RABGAP1L: variants seen among roughly 807,000 people sequenced by gnomAD.
The protein encoded by RABGAP1L is RAB GTPase activating protein 1 like, also known as rab GTPase-activating protein 1-like.
Under a neutral mutation model 137.7 loss-of-function variants are expected in RABGAP1L, and 63 were observed. That is an observed-to-expected ratio of 0.46 (90% confidence interval 0.37 to 0.56). The LOEUF (loss-of-function observed/expected upper bound fraction) is 0.56. RABGAP1L is among the 20% of genes least tolerant of loss of function. The pLI, the probability that RABGAP1L is intolerant of heterozygous loss-of-function variation, is 0.00. For synonymous variants in RABGAP1L, 431 were observed against 433.7 expected (o/e 0.99, Z 0.08); for missense variants, 1,095 against 1,244.0 (o/e 0.88, Z 1.80).
At chr1:174,799,978 A>T (rs185046317) in intron 18 of RABGAP1L, 11,161 of 974,638 alleles carry the variant, frequency 0.011, 255 homozygotes, top group African/African-American at 0.094. Context: ...ACACACACAC[A>T]CTCTCACACA....
chr1:174,316,222 C>T (rs1417275367), intron 11 of RABGAP1L, among the ~76,000 whole-genome samples: 1 of 152,130 alleles, frequency 6.6e-6, no homozygotes, highest in Non-Finnish European at 1.5e-5. Flanking sequence ...ATCTCTGTTT[C>T]TTCAGGAATG....
chr1:174,725,285 A>G (rs1681889607), intron 17 of RABGAP1L, among the ~76,000 whole-genome samples: 1 of 152,154 alleles, frequency 6.6e-6, no homozygotes, highest in Non-Finnish European at 1.5e-5. Context: ...TTTAAATTAA[A>G]CTCTTAAGAA....
At chr1:174,288,991 A>G (rs1350710610) in intron 10 of RABGAP1L, among the ~76,000 whole-genome samples, 1 of 151,990 alleles carries the variant, frequency 6.6e-6, no homozygotes, top group Non-Finnish European at 1.5e-5. Context: ...CTGCTGTTGA[A>G]GCATGCTATT....
intron 18 of RABGAP1L, among the ~76,000 whole-genome samples, chr1:174,773,360 TAAA>T (rs933921451): frequency 6.6e-6 from 1 of 152,146 alleles, no homozygotes; most frequent in Non-Finnish European, 1.5e-5. Flanking sequence ...ACCCGTTATC[TAAA>T]AAGTAATAAA....
intron 1 of RABGAP1L, among the ~76,000 whole-genome samples, chr1:174,213,825 A>T (rs539727600): frequency 2.0e-5 from 3 of 152,334 alleles, no homozygotes. Flanking sequence ...GAACTGGGTA[A>T]GGAAGAAATA....
intron 13 of RABGAP1L, among the ~76,000 whole-genome samples, chr1:174,489,851 GT>G (rs748126037): frequency 1.3e-5 from 2 of 151,928 alleles, no homozygotes; most frequent in African/African-American, 2.4e-5. Context: ...TATACAAATA[GT>G]TTATCTTAAA....
intron 14 of RABGAP1L, among the ~76,000 whole-genome samples, chr1:174,664,729 G>GTTTTTTT (rs1557964009): frequency 2.3e-5 from 2 of 85,596 alleles, no homozygotes; most frequent in Admixed American, 2.4e-4. Flanking sequence ...CTTTCTTTCT[G>GTTTTTTT]CTTTCTTTTT....
chr1:174,244,872 G>A (rs1672124246), intron 5 of RABGAP1L: 1 of 152,128 alleles, frequency 6.6e-6, no homozygotes, highest in Admixed American at 6.6e-5. Flanking sequence ...ATATTTGTGT[G>A]TTTTAGGATA....
intron 18 of RABGAP1L, among the ~76,000 whole-genome samples, chr1:174,793,133 CA>C (rs1386209016): frequency 6.8e-6 from 1 of 146,070 alleles, no homozygotes; most frequent in Non-Finnish European, 1.5e-5. Context: ...ACTCCATCTC[CA>C]AAAAAAAAGA....
At chr1:174,942,734 A>T (rs957050404) in intron 19 of RABGAP1L, among the ~76,000 whole-genome samples, 4 of 152,312 alleles carry the variant, frequency 2.6e-5, no homozygotes, top group Non-Finnish European at 5.9e-5. Context: ...GATATGGTTA[A>T]ATCATAGCTC....
intron 19 of RABGAP1L, among the ~76,000 whole-genome samples, chr1:174,914,229 C>G (rs927368018): frequency 2.0e-5 from 3 of 152,206 alleles, no homozygotes; most frequent in African/African-American, 7.2e-5. Context: ...TCTGCCTCCT[C>G]TCAAGCTGCT....
intron 19 of RABGAP1L, among the ~76,000 whole-genome samples, chr1:174,825,907 C>CA (rs1691519726): frequency 6.6e-6 from 1 of 152,006 alleles, no homozygotes; most frequent in South Asian, 2.1e-4. Flanking sequence ...AACAAACAAA[C>CA]AAAAAAAGAA....
At chr1:174,578,283 C>G (rs1668512865) in intron 13 of RABGAP1L, among the ~76,000 whole-genome samples, 1 of 152,180 alleles carries the variant, frequency 6.6e-6, no homozygotes, top group African/African-American at 2.4e-5. Context: ...CTCCCAGGCT[C>G]AAGCAGTCCT....
intron 11 of RABGAP1L, among the ~76,000 whole-genome samples, chr1:174,359,677 T>A (rs1057330703): frequency 1.4e-4 from 21 of 152,138 alleles, no homozygotes; most frequent in African/African-American, 4.8e-4. Context: ...TGGGAAAAAT[T>A]ATGAGGGAAG....
At chr1:174,758,474 A>G (rs965403021) in intron 18 of RABGAP1L, among the ~76,000 whole-genome samples, 6 of 151,642 alleles carry the variant, frequency 4.0e-5, no homozygotes, top group African/African-American at 1.5e-4. Flanking sequence ...TGAGTCTCCA[A>G]TGTCCATTTT....
chr1:174,330,610 C>T (rs1433478980), intron 11 of RABGAP1L, among the ~76,000 whole-genome samples: 1 of 150,028 alleles, frequency 6.7e-6, no homozygotes, highest in African/African-American at 2.5e-5. Context: ...ACAAACAAAA[C>T]ACCTACCTAG....
intron 19 of RABGAP1L, among the ~76,000 whole-genome samples, chr1:174,946,794 G>A (rs1329497390): frequency 2.0e-5 from 3 of 149,960 alleles, no homozygotes; most frequent in East Asian, 2.0e-4. Flanking sequence ...CCAGTTACTC[G>A]GGAGGCTGAG....
intron 19 of RABGAP1L, among the ~76,000 whole-genome samples, chr1:174,873,326 C>G (rs1368158369): frequency 6.6e-6 from 1 of 152,012 alleles, no homozygotes; most frequent in Admixed American, 6.6e-5. Context: ...GCCTCGGCCT[C>G]CAAAAGTGCT....
At chr1:174,510,238 G>T (rs776909505) in intron 13 of RABGAP1L, among the ~76,000 whole-genome samples, 2 of 152,020 alleles carry the variant, frequency 1.3e-5, no homozygotes, top group African/African-American at 2.4e-5. Context: ...CCTCAGATAC[G>T]TTATGTTATT....
Sources: gnomAD v4.1 joint callset for allele counts (sites outside exome capture counted in the v4.1 genomes callset) on GRCh38, gnomAD v4.1.1 for gene constraint, MANE v1.5 for transcripts, NCBI Gene and HGNC (gene_info 2026-07-23, HGNC 2026-07-21) for gene names.